DNAJB14: variants seen among roughly 807,000 people sequenced by gnomAD.
DNAJB14 encodes the protein DnaJ heat shock protein family (Hsp40) member B14, also known as dnaJ homolog subfamily B member 14.
DNAJB14 carries 22 observed loss-of-function variants against 48.4 expected under a neutral mutation model. The observed-to-expected ratio is 0.45, with a 90% CI of 0.32 to 0.65. The LOEUF is 0.65. DNAJB14 is among the 30% of genes least tolerant of loss of function. DNAJB14 has a pLI of 0.03. For synonymous variants in DNAJB14, 142 were observed against 158.7 expected (o/e 0.89, Z 0.79); for missense variants, 319 against 458.8 (o/e 0.70, Z 2.78).
intron 1 of DNAJB14, among the ~76,000 whole-genome samples, chr4:99,943,634 G>A (rs1032411722): frequency 1.3e-5 from 2 of 152,092 alleles, no homozygotes; most frequent in African/African-American, 2.4e-5. Context: ...AAAGCTAAAG[G>A]CTAGAGAGGT....
At chr4:99,921,344 C>T (rs570616545) in intron 3 of DNAJB14, among the ~76,000 whole-genome samples, 2 of 152,170 alleles carry the variant, frequency 1.3e-5, no homozygotes, top group South Asian at 4.1e-4. Flanking sequence ...CTGAAATGTA[C>T]CACATGAAAG....
chr4:99,930,718 T>G, intron 1 of DNAJB14, 97 bp from the exon 2 acceptor site: 1 of 1,341,622 alleles, frequency 7.5e-7, no homozygotes, highest in East Asian at 2.5e-5. Flanking sequence ...ATGAAGTGTG[T>G]TCTCCAAAAA....
chr4:99,910,790 G>A (rs184994251), intron 3 of DNAJB14, among the ~76,000 whole-genome samples: 31 of 151,762 alleles, frequency 2.0e-4, no homozygotes, highest in East Asian at 9.7e-4. Flanking sequence ...TTTACAAAAC[G>A]CATTTCTACC....
chr4:99,924,484 C>A, intron 2 of DNAJB14: 1 of 275,382 alleles, frequency 3.6e-6, no homozygotes, highest in East Asian at 8.0e-5. Flanking sequence ...TAAAATTGTA[C>A]AAATTTACAG....
intron 4 of DNAJB14, among the ~76,000 whole-genome samples, chr4:99,908,117 A>G (rs1448944363): frequency 6.6e-6 from 1 of 152,182 alleles, no homozygotes; most frequent in Non-Finnish European, 1.5e-5. Flanking sequence ...GTGGAGTTTG[A>G]TACTATTTAT....
chr4:99,923,890 ACATCT>A (rs1354792468), intron 2 of DNAJB14: 1 of 984,872 alleles, frequency 1.0e-6, no homozygotes, highest in African/African-American at 1.7e-5. Flanking sequence ...GAAAAAGATA[ACATCT>A]CATGATAAAA....
In DNAJB14 at chr4:99,930,482, G is replaced by A. The variant is rs777107182; in HGVS notation, c.273C>T (p.Gly91=). The A allele has an allele frequency of 1.1e-5, 18 of 1,606,660 alleles. No homozygotes were observed. The highest frequency in any genetic ancestry group is 4.0e-5 in the African/African-American group (3 of 74,650). The change falls in exon 2 of 8, where the codon GGC becomes GGT. Residue 91 remains glycine (G), a synonymous_variant. Coordinates refer to ENST00000442697, the MANE Select transcript of DNAJB14 (RefSeq NM_001031723.4). ...CTCCATCTACTTGGTCTTTGGTATAGCCTTTTCCACCTTCACCACTACCAG... is the reference window on the plus strand; with the variant it reads ...CTCCATCTACTTGGTCTTTGGTATAACCTTTTCCACCTTCACCACTACCAG... ...STSGSGEGGK[G]YTKDQVDGVL...
intron 1 of DNAJB14, among the ~76,000 whole-genome samples, chr4:99,938,097 C>CA (rs59597113): frequency 0.025 from 1,012 of 40,966 alleles, 67 homozygotes; most frequent in Middle Eastern, 0.042. Flanking sequence ...GTTAAAAATA[C>CA]AAAAAAAAAA....
intron 1 of DNAJB14, among the ~76,000 whole-genome samples, chr4:99,933,589 G>A (rs577561932): frequency 1.1e-4 from 16 of 151,996 alleles, no homozygotes; most frequent in Non-Finnish European, 1.6e-4. Flanking sequence ...TGAGCCACAC[G>A]CCTGGCCAAT....
intron 7 of DNAJB14, among the ~76,000 whole-genome samples, chr4:99,902,462 C>T (rs1329570955): frequency 3.3e-5 from 5 of 152,016 alleles, no homozygotes; most frequent in Admixed American, 6.6e-5. Flanking sequence ...GTAAGCTTCT[C>T]CACACTGAGG....
intron 3 of DNAJB14, among the ~76,000 whole-genome samples, chr4:99,920,724 C>G (rs1459409057): frequency 6.6e-6 from 1 of 152,146 alleles, no homozygotes; most frequent in Non-Finnish European, 1.5e-5. Context: ...TTAGTCCATT[C>G]TCCTTGAGAG....
At chr4:99,915,195 T>C (rs1201992793) in intron 3 of DNAJB14, among the ~76,000 whole-genome samples, 1 of 152,236 alleles carries the variant, frequency 6.6e-6, no homozygotes, top group Non-Finnish European at 1.5e-5. Context: ...TGTTGTATTT[T>C]CATTTTTAGT....
chr4:99,919,571 A>G (rs1437316552), intron 3 of DNAJB14, among the ~76,000 whole-genome samples: 1 of 150,914 alleles, frequency 6.6e-6, no homozygotes, highest in African/African-American at 2.5e-5. Flanking sequence ...GTGACAGAGC[A>G]AGACTCCATC....
chr4:99,940,521 G>A (rs547300659), intron 1 of DNAJB14, among the ~76,000 whole-genome samples: 31 of 152,288 alleles, frequency 2.0e-4, no homozygotes, highest in Non-Finnish European at 2.6e-4. Flanking sequence ...AACCCAGGAG[G>A]CGGAGGTTGC....
chr4:99,931,205 G>T (rs1287879934), intron 1 of DNAJB14, among the ~76,000 whole-genome samples: 1 of 152,160 alleles, frequency 6.6e-6, no homozygotes, highest in Non-Finnish European at 1.5e-5. Context: ...GATAGGCTGA[G>T]ATGGAAAAAG....
chr4:99,900,942 C>A lies in DNAJB14; in HGVS notation c.*86G>T. ...TTCAGTTTAGTTTTCAGTATCAAAT[C>A]TTTTCCTTCATCCCTCATGATGAAA... On this transcript the variant is annotated 3_prime_UTR_variant, in exon 8 of 8. Coordinates refer to ENST00000442697, the MANE Select transcript of DNAJB14 (RefSeq NM_001031723.4). 1.4e-6 allele frequency: 2 copies of A among 1,432,674 alleles called. No homozygotes were observed. Among genetic ancestry groups the A allele is most frequent in the Non-Finnish European group, 1.9e-6 (2 of 1,069,002 alleles). 88.7% of individuals were successfully genotyped at this position (1,432,674 alleles called of 1,614,324 possible).
chr4:99,935,942 C>G (rs747719056), intron 1 of DNAJB14, among the ~76,000 whole-genome samples: 6 of 152,158 alleles, frequency 3.9e-5, no homozygotes, highest in Non-Finnish European at 8.8e-5. Context: ...GTGGCATGCA[C>G]CTGTAGTCCC....
chr4:99,924,614 C>T, intron 2 of DNAJB14: 1 of 960,934 alleles, frequency 1.0e-6, no homozygotes, highest in Non-Finnish European at 1.5e-6. Context: ...ACTAACTATG[C>T]CCAGACAGTG....
chr4:99,902,037 C>A (rs1035132896), intron 7 of DNAJB14, among the ~76,000 whole-genome samples: 2 of 152,102 alleles, frequency 1.3e-5, no homozygotes, highest in Admixed American at 6.6e-5. Context: ...ACAACTCAAT[C>A]AATATTATCC....
Sources: gnomAD v4.1 joint callset for allele counts (sites outside exome capture counted in the v4.1 genomes callset) on GRCh38, gnomAD v4.1.1 for gene constraint, MANE v1.5 for transcripts, NCBI Gene and HGNC (gene_info 2026-07-23, HGNC 2026-07-21) for gene names.